Variants in ASTN2 observed in about 807,000 individuals in gnomAD.
ASTN2 encodes astrotactin-2.
Under a neutral mutation model 139.8 loss-of-function variants are expected in ASTN2, and 54 were observed. That is an observed-to-expected ratio of 0.39 (90% CI 0.31 to 0.48). The LOEUF (loss-of-function observed/expected upper bound fraction) is 0.48, where lower values mean the gene tolerates loss of function less well. ASTN2 is among the 20% of genes least tolerant of loss of function. The pLI, the probability that ASTN2 is intolerant of heterozygous loss-of-function variation, is 0.95. For synonymous variants in ASTN2, 756 were observed against 719.5 expected, an observed-to-expected ratio of 1.05 and a Z score of -0.81; for missense variants, 1,565 against 1,725.1, an observed-to-expected ratio of 0.91 and a Z score of 1.64.
chr9:117,143,022 C>G (rs895024772), intron 3 of ASTN2, among the ~76,000 whole-genome samples: 10 of 152,186 alleles, frequency 6.6e-5, no homozygotes, highest in African/African-American at 2.4e-4. Context: ...ATTTCTAAGG[C>G]GCTCCTGTTT....
chr9:116,715,290 G>A (rs1372444418), intron 16 of ASTN2, among the ~76,000 whole-genome samples: 2 of 152,136 alleles, frequency 1.3e-5, no homozygotes, highest in Non-Finnish European at 2.9e-5. Flanking sequence ...GGGAGACTGA[G>A]GCCCAGTGAC....
chr9:116,478,122 G>C (rs1849048684), intron 20 of ASTN2, among the ~76,000 whole-genome samples: 2 of 146,888 alleles, frequency 1.4e-5, no homozygotes, highest in East Asian at 4.1e-4. Context: ...GGGGTAGGGA[G>C]GGAGAAAGGA....
At chr9:116,784,540 T>A (rs1303303852) in intron 13 of ASTN2, among the ~76,000 whole-genome samples, 2 of 152,220 alleles carry the variant, frequency 1.3e-5, no homozygotes, top group Non-Finnish European at 2.9e-5. Flanking sequence ...CATGTTTTCA[T>A]GGCATTCTCC....
chr9:116,632,307 T>C (rs1856845803), intron 17 of ASTN2, among the ~76,000 whole-genome samples: 1 of 141,346 alleles, frequency 7.1e-6, no homozygotes, highest in Admixed American at 7.2e-5. Flanking sequence ...CCCCAAAATA[T>C]GTACAACTAT....
chr9:116,601,723 A>G (rs1035170262), intron 19 of ASTN2, among the ~76,000 whole-genome samples: 3 of 152,210 alleles, frequency 2.0e-5, no homozygotes, highest in African/African-American at 7.2e-5. Context: ...AAAGGAGCAA[A>G]CTTGTAGGGA....
intron 12 of ASTN2, among the ~76,000 whole-genome samples, chr9:116,806,234 C>T (rs935690656): frequency 2.6e-5 from 4 of 152,162 alleles, no homozygotes; most frequent in African/African-American, 9.7e-5. Flanking sequence ...AGGTTTTTAT[C>T]ATCCTGGTAG....
intron 19 of ASTN2, among the ~76,000 whole-genome samples, chr9:116,596,878 G>C (rs894638411): frequency 2.6e-4 from 40 of 152,076 alleles, no homozygotes; most frequent in African/African-American, 9.2e-4. Context: ...ATCACTAGAG[G>C]AAAGGGTGGA....
intron 4 of ASTN2, among the ~76,000 whole-genome samples, chr9:117,129,245 C>T (rs1829773808): frequency 6.6e-6 from 1 of 152,136 alleles, no homozygotes; most frequent in Admixed American, 6.5e-5. Flanking sequence ...TTCTCCTTAA[C>T]CACAACCTCT....
intron 11 of ASTN2, among the ~76,000 whole-genome samples, chr9:116,835,646 T>C (rs1049770455): frequency 1.8e-4 from 28 of 152,180 alleles, no homozygotes; most frequent in African/African-American, 6.0e-4. Context: ...GTAAAATGTA[T>C]AAAACAAAGC....
At chr9:117,060,386 GAAAGAAAGAAAGAAAGAAAGAAAGAAGGA>G (rs1839222223) in intron 5 of ASTN2, among the ~76,000 whole-genome samples, 2 of 72,260 alleles carry the variant, frequency 2.8e-5, no homozygotes, top group Admixed American at 1.7e-4. Context: ...AAGAAAGAAA[GAAAGAAAGAAAGAAAGAAAGAAAGAAGGA>G]AAGGAAGGAA....
At chr9:117,079,348 C>T (rs1043144477) in intron 5 of ASTN2, among the ~76,000 whole-genome samples, 1 of 151,968 alleles carries the variant, frequency 6.6e-6, no homozygotes, top group African/African-American at 2.4e-5. Context: ...AGAATGAGAC[C>T]CTGTCGAGAG....
At chr9:117,126,700 G>A (rs1329119432) in intron 4 of ASTN2, among the ~76,000 whole-genome samples, 1 of 152,208 alleles carries the variant, frequency 6.6e-6, no homozygotes, top group Non-Finnish European at 1.5e-5. Flanking sequence ...TGGACAACTA[G>A]AATGGTTAGC....
chr9:117,134,741 C>G (rs993505813), intron 4 of ASTN2, among the ~76,000 whole-genome samples: 1 of 152,208 alleles, frequency 6.6e-6, no homozygotes, highest in Non-Finnish European at 1.5e-5. Context: ...AGCCAGCCCA[C>G]ACCACCTTCA....
chr9:117,117,466 G>A (rs1829426999), intron 4 of ASTN2, among the ~76,000 whole-genome samples: 1 of 151,702 alleles, frequency 6.6e-6, no homozygotes, highest in Admixed American at 6.6e-5. Flanking sequence ...GAAAGAATGA[G>A]GGACTTTGTT....
Position 116,919,153 on chromosome 9 carries a change from C to T in ASTN2, c.1890-55420G>A, listed in dbSNP as rs532731151. On this transcript the variant is annotated intron_variant, in intron 10 of 22. Coordinates refer to ENST00000313400, the MANE Select transcript of ASTN2 (RefSeq NM_001365068.1). ...AGCCTGGCATGAGAGTAAAACCTAA[C>T]CCCATAGCAGTAATTATCATGTGAG... Among the ~76,000 whole-genome samples the T allele has an allele frequency of 3.7e-4, 56 of 152,228 alleles. 1 individual carries two copies. Among genetic ancestry groups the T allele is most frequent in the African/African-American group, 1.3e-3 (55 of 41,544 alleles).
chr9:116,731,072 T>C (rs913548309), intron 14 of ASTN2, among the ~76,000 whole-genome samples: 1 of 151,896 alleles, frequency 6.6e-6, no homozygotes, highest in Admixed American at 6.5e-5. Flanking sequence ...AACTCATCCC[T>C]GGGTTACTCT....
At chr9:116,819,821 C>T (rs1831434681) in intron 12 of ASTN2, among the ~76,000 whole-genome samples, 1 of 152,282 alleles carries the variant, frequency 6.6e-6, no homozygotes, top group South Asian at 2.1e-4. Context: ...GGACCAAATG[C>T]TATATGCAAG....
intron 10 of ASTN2, among the ~76,000 whole-genome samples, chr9:116,886,620 C>G (rs1038030775): frequency 5.3e-5 from 8 of 152,124 alleles, no homozygotes; most frequent in African/African-American, 1.9e-4. Context: ...TCCCACTCAG[C>G]CTTCCCTAAG....
chr9:116,429,059 C>T (rs760522969), intron 22 of ASTN2, among the ~76,000 whole-genome samples: 2 of 151,978 alleles, frequency 1.3e-5, no homozygotes, highest in Non-Finnish European at 2.9e-5. Context: ...CAAGTGGAGG[C>T]CAGGAGCAGT....
Sources: gnomAD v4.1 joint callset for allele counts (sites outside exome capture counted in the v4.1 genomes callset) on GRCh38, gnomAD v4.1.1 for gene constraint, MANE v1.5 for transcripts, NCBI Gene and HGNC (gene_info 2026-07-23, HGNC 2026-07-21) for gene names.